Variants in FAM135A observed in about 807,000 individuals in gnomAD.
FAM135A encodes protein FAM135A.
A neutral mutation model predicts 146.8 loss-of-function variants in FAM135A; 79 were observed. That is an observed-to-expected ratio of 0.54 (90% confidence interval 0.45 to 0.65). The LOEUF (loss-of-function observed/expected upper bound fraction) is 0.65, where lower values mean the gene tolerates loss of function less well. FAM135A is among the 30% of genes least tolerant of loss of function. The pLI is 0.00. For synonymous variants in FAM135A, 562 were observed against 603.6 expected, an observed-to-expected ratio of 0.93 and a Z score of 1.01; for missense variants, 1,623 against 1,758.2, an observed-to-expected ratio of 0.92 and a Z score of 1.38.
intron 5 of FAM135A, among the ~76,000 whole-genome samples, chr6:70,460,176 A>G (rs946536870): frequency 1.3e-5 from 2 of 152,324 alleles, no homozygotes; most frequent in Non-Finnish European, 2.9e-5. Flanking sequence ...TGTTATGATA[A>G]AAAGACTATT....
chr6:70,482,198 C>A, intron 10 of FAM135A, 44 bp downstream of exon 10: 1 of 1,590,962 alleles, frequency 6.3e-7, no homozygotes. Flanking sequence ...TCAAATCATT[C>A]TCTTCAGTCT....
At chr6:70,502,855 T>C in intron 12 of FAM135A, 64 bp downstream of exon 12, 1 of 1,505,050 alleles carries the variant, frequency 6.6e-7, no homozygotes, top group Non-Finnish European at 9.0e-7. Context: ...AGAAAATTTT[T>C]ATGAAAACAA....
Position 70,525,732 on chromosome 6 carries a change from A to G in FAM135A, c.2648A>G (p.Asp883Gly), listed in dbSNP as rs147645859. 8.7e-5 allele frequency: 140 copies of G among 1,613,272 alleles called. No homozygotes were observed. The highest frequency in any genetic ancestry group is 1.1e-4 in the Non-Finnish European group (135 of 1,179,598). ...NLGTTDLPKC[D>G]DTKKSSITLQ... ...GGAACGACTGATTTGCCAAAATGTG[A>G]TGATACTAAAAAGTCAAGTATCACT... Residue 883 changes from aspartate to glycine, a missense_variant, in exon 15 of 22, where the codon GAT becomes GGT. Around this residue, in one of 7 missense-constraint regions of FAM135A, gnomAD observed 1,061 missense variants for 1,113.8 expected, o/e 0.95. Coordinates refer to ENST00000418814, the MANE Select transcript of FAM135A (RefSeq NM_001162529.3).
intron 5 of FAM135A, among the ~76,000 whole-genome samples, chr6:70,461,276 C>T (rs770174651): frequency 1.3e-5 from 2 of 152,124 alleles, no homozygotes; most frequent in Non-Finnish European, 2.9e-5. Context: ...TTCAGTTTCT[C>T]CTCTGTGCAG....
chr6:70,504,060 G>A (rs1278715196), intron 12 of FAM135A: 3 of 152,134 alleles, frequency 2.0e-5, no homozygotes, highest in Admixed American at 6.5e-5. Flanking sequence ...TAGCTAATGT[G>A]ACAGTTTTCA....
intron 19 of FAM135A, among the ~76,000 whole-genome samples, chr6:70,537,682 A>G (rs2207423): frequency 0.2 from 30,193 of 152,156 alleles, 3,266 homozygotes; most frequent in African/African-American, 0.28. Flanking sequence ...AAAATGGAAA[A>G]GAATATTTCA....
chr6:70,550,734 T>C (rs1253962966), intron 20 of FAM135A, among the ~76,000 whole-genome samples: 4 of 152,252 alleles, frequency 2.6e-5, no homozygotes. Flanking sequence ...GAGAGTCAGC[T>C]TGCCCTTTGA....
intron 12 of FAM135A, among the ~76,000 whole-genome samples, chr6:70,510,107 T>C (rs570853866): frequency 6.6e-6 from 1 of 152,092 alleles, no homozygotes; most frequent in Admixed American, 6.6e-5. Flanking sequence ...AAAAAAATAC[T>C]GTAGAACACT....
chr6:70,440,600 A>G (rs1466066114), intron 4 of FAM135A, among the ~76,000 whole-genome samples: 2 of 152,210 alleles, frequency 1.3e-5, no homozygotes, highest in East Asian at 3.9e-4. Context: ...AAGCAGGAGA[A>G]TTGCTTGAAC....
chr6:70,472,517 T>TA (rs1342794555), intron 5 of FAM135A, among the ~76,000 whole-genome samples: 1 of 152,218 alleles, frequency 6.6e-6, no homozygotes, highest in East Asian at 1.9e-4. Flanking sequence ...TTCTCCTGCA[T>TA]AACCCCAATA....
intron 5 of FAM135A, among the ~76,000 whole-genome samples, chr6:70,464,057 C>T (rs948847681): frequency 4.6e-5 from 7 of 152,150 alleles, no homozygotes; most frequent in African/African-American, 1.7e-4. Flanking sequence ...TACTTATGTT[C>T]ATGTCTTTTA....
intron 12 of FAM135A, among the ~76,000 whole-genome samples, chr6:70,514,901 C>T (rs1791854777): frequency 6.6e-6 from 1 of 152,152 alleles, no homozygotes; most frequent in East Asian, 1.9e-4. Flanking sequence ...TGAAATACAT[C>T]CAGAACATTC....
chr6:70,444,593 T>G (rs1005133441), intron 4 of FAM135A, among the ~76,000 whole-genome samples: 1 of 152,018 alleles, frequency 6.6e-6, no homozygotes, highest in African/African-American at 2.4e-5. Context: ...GAAAAAAATT[T>G]ATTTATCTAA....
At chr6:70,495,464 G>A (rs944570838) in intron 11 of FAM135A, among the ~76,000 whole-genome samples, 3 of 151,852 alleles carry the variant, frequency 2.0e-5, no homozygotes, top group East Asian at 1.9e-4. Flanking sequence ...TTTGTTTAGC[G>A]TCTTCTCTGA....
intron 1 of FAM135A, 30 bp downstream of exon 1, chr6:70,413,732 C>T (rs1402978750): frequency 3.3e-6 from 3 of 897,408 alleles, no homozygotes; most frequent in Non-Finnish European, 4.0e-6. Flanking sequence ...CTCTGGCTCC[C>T]CCGGCTCCCG....
intron 20 of FAM135A, 49 bp from the exon 21 acceptor site, chr6:70,556,701 T>G: frequency 7.8e-7 from 1 of 1,283,340 alleles, no homozygotes; most frequent in Non-Finnish European, 1.1e-6. Flanking sequence ...ATAACTTGTT[T>G]AAAATCTAGT....
intron 12 of FAM135A, among the ~76,000 whole-genome samples, chr6:70,509,054 CA>C (rs200131438): frequency 1.3e-5 from 2 of 151,606 alleles, no homozygotes; most frequent in Non-Finnish European, 2.9e-5. Context: ...TAACCTAGAG[CA>C]AAAAAAATCC....
chr6:70,417,294 G>A (rs1164978425), intron 2 of FAM135A, among the ~76,000 whole-genome samples: 1 of 143,982 alleles, frequency 6.9e-6, no homozygotes, highest in Non-Finnish European at 1.5e-5. Flanking sequence ...CCACTGTATT[G>A]CCTCTACCTC....
At chr6:70,550,597 T>C (rs989581173) in intron 20 of FAM135A, among the ~76,000 whole-genome samples, 3 of 152,240 alleles carry the variant, frequency 2.0e-5, no homozygotes, top group Non-Finnish European at 4.4e-5. Context: ...ACAGATGTGC[T>C]GTAATCCAGG....
Sources: gnomAD v4.1 joint callset for allele counts (sites outside exome capture counted in the v4.1 genomes callset) on GRCh38, gnomAD v4.1.1 for gene constraint, gnomAD v4.1.1 regional missense constraint, MANE v1.5 for transcripts, NCBI Gene and HGNC (gene_info 2026-07-23, HGNC 2026-07-21) for gene names.